The following TPP2 variants were observed in gnomAD, a reference collection of about 807,000 sequenced individuals.
TPP2 encodes tripeptidyl peptidase 2.
TPP2 carries 34 observed loss-of-function variants against 155.9 expected under a neutral mutation model. That is an observed-to-expected ratio of 0.22 (90% confidence interval 0.17 to 0.29). TPP2 has a LOEUF of 0.29. Among genes scored for constraint, TPP2 ranks in the 10% least tolerant of loss-of-function variants. The pLI, the probability that TPP2 is intolerant of heterozygous loss-of-function variation, is 1.00. For synonymous variants in TPP2, 510 were observed against 529.4 expected (o/e 0.96, Z 0.50); for missense variants, 1,028 against 1,522.3 (o/e 0.68, Z 5.40).
At chr13:102,600,519 A>G (rs1566312078) in intron 1 of TPP2, among the ~76,000 whole-genome samples, 3 of 152,144 alleles carry the variant, frequency 2.0e-5, no homozygotes, top group Middle Eastern at 3.4e-3. Flanking sequence ...TGTTATAGCA[A>G]TTTGCTTAGA....
chr13:102,657,095 ACAAAGACTAAGAATGGCAG>A lies in TPP2; in HGVS notation c.3038_3056del (p.Thr1013IlefsTer12). The A allele has an allele frequency of 6.3e-7, 1 of 1,589,868 alleles. No individual in the cohort carries two copies. The highest frequency in any genetic ancestry group is 8.5e-7 in the Non-Finnish European group (1 of 1,172,300). On this transcript the variant is annotated frameshift_variant, in exon 25 of 30. Transcript: ENST00000376052. LOFTEE classifies it high-confidence loss of function. ...TCATTACTACTTAATACCTCCACCA[ACAAAGACTAAGAATGGCAG>A]CAAAGATAAGGAAAAAGATTCAGAA...
chr13:102,653,720 C>G (rs1883664537), intron 24 of TPP2, among the ~76,000 whole-genome samples: 1 of 152,116 alleles, frequency 6.6e-6, no homozygotes, highest in South Asian at 2.1e-4. Flanking sequence ...TTTAACAGAT[C>G]ATAAATAGCA....
chr13:102,670,873 T>A (rs1018898040), intron 27 of TPP2, among the ~76,000 whole-genome samples: 1 of 152,244 alleles, frequency 6.6e-6, no homozygotes, highest in Admixed American at 6.5e-5. Flanking sequence ...AATTGTACTT[T>A]TTCAGGTGCT....
In TPP2 at chr13:102,679,144, A is replaced by T. The variant is rs1201830066; in HGVS notation, c.*828A>T. ...CTGGTACCTTAATTTTTTTTTATAA[A>T]TAATAAAAGTGAATATTGAAGCTTC... is the stretch of plus-strand genomic sequence containing the variant. On this transcript the variant is annotated 3_prime_UTR_variant, in exon 30 of 30. Coordinates refer to ENST00000376052, the MANE Select transcript of TPP2 (RefSeq NM_001330588.2). The T allele has an allele frequency of 6.6e-6, 1 of 152,618 alleles. No homozygotes were observed. 9.5% of individuals were successfully genotyped at this position (152,618 alleles called of 1,614,324 possible).
Position 102,649,443 on chromosome 13 carries a change from C to T in TPP2, c.2909C>T (p.Ala970Val). Residue 970 changes from alanine (A) to valine (V), a missense_variant, in exon 23 of 30, where the codon GCA becomes GTA. Transcript: ENST00000376052. ...PKGAGPGCYL[A>V]GSLTLSKTEL... is the part of the protein sequence containing the mutation. ...GGGGCAGGACCTGGATGCTATCTTG[C>T]AGGATCCTTAACATTGTCAAAGACT... The T allele has an allele frequency of 6.2e-7, 1 of 1,612,996 alleles. No individual in the cohort carries two copies. Among genetic ancestry groups the T allele is most frequent in the Non-Finnish European group, 8.5e-7 (1 of 1,179,520 alleles).
chr13:102,674,371 C>G lies in TPP2; in HGVS notation c.3460C>G (p.Gln1154Glu), dbSNP rs751687425. Reference protein sequence around the residue: ...LADHLLHTQAQDGAISTDAEG... With the variant: ...LADHLLHTQAEDGAISTDAEG... ...AGACCATCTTCTTCACACCCAGGCT[C>G]AAGACGGAGCCATTTCCACTGATGC... The change falls in exon 28 of 30, where the codon CAA (glutamine) becomes GAA (glutamate). Residue 1154 changes from glutamine to glutamate, a missense_variant. Gln to Glu is a conservative substitution (Grantham distance 29, BLOSUM62 2). This residue lies in a region of TPP2 where 116 missense variants were observed against 117.3 expected (regional missense o/e 0.99). Transcript: ENST00000376052. The G allele has an allele frequency of 1.2e-6, 2 of 1,613,914 alleles. No individual in the cohort carries two copies. The highest frequency in any genetic ancestry group is 2.2e-5 in the South Asian group (2 of 91,060).
At chr13:102,667,955 C>T (rs1011690919) in intron 27 of TPP2, 1 of 268,738 alleles carries the variant, frequency 3.7e-6, no homozygotes, top group Non-Finnish European at 5.7e-6. Context: ...TCCCCCTGAG[C>T]CAGCGACGCT....
At chr13:102,663,335 A>G (rs1884379435) in intron 25 of TPP2, among the ~76,000 whole-genome samples, 2 of 152,080 alleles carry the variant, frequency 1.3e-5, no homozygotes, top group South Asian at 4.2e-4. Context: ...TTTAGTAGAG[A>G]CGGGGTTTCA....
chr13:102,644,611 G>T lies in TPP2; in HGVS notation c.2230G>T (p.Val744Phe). Residue 744 changes from valine to phenylalanine, a missense_variant, in exon 18 of 30, where the codon GTC (valine) becomes TTC (phenylalanine). By Grantham distance (50) the Val-to-Phe change is conservative (BLOSUM62 -1). This residue lies in a region of TPP2 where 325 missense variants were observed against 463.7 expected (regional missense o/e 0.70). Transcript: ENST00000376052. ...IARWWASLSD[V>F]NIDYTISFHG... ...TCGTTGGTGGGCAAGTCTCAGTGAT[G>T]TCAACATTGATTATACCATTTCTTT... 1 of 1,613,230 alleles carries T rather than the reference G, an allele frequency of 6.2e-7. No homozygotes were observed.
In TPP2 at chr13:102,630,788, T is replaced by C. The variant is rs933525165; in HGVS notation, c.1244+593T>C. On this transcript the variant is annotated intron_variant, in intron 10 of 29. Transcript: ENST00000376052. ...TCCTAATTTATGTAATTCTTCGTTA[T>C]ATCATCAGCGGGTACATGCACCTTC... Among the ~76,000 whole-genome samples, 17 of 152,254 alleles carry C rather than the reference T, an allele frequency of 1.1e-4. 1 individual carries two copies. The highest frequency in any genetic ancestry group is 9.2e-4 in the Admixed American group (14 of 15,286).
In TPP2 at chr13:102,637,148, G is replaced by A. The variant is rs761915890; in HGVS notation, c.1745G>A (p.Cys582Tyr). The A allele has an allele frequency of 6.2e-7, 1 of 1,613,110 alleles. No individual in the cohort carries two copies. Among genetic ancestry groups the A allele is most frequent in the Non-Finnish European group, 8.5e-7 (1 of 1,179,840 alleles). The part of the protein sequence containing the change: ...ALTSNSSWVQ[C>Y]PSHLELMNQC... ...ACTTCAAATTCATCTTGGGTTCAGT[G>A]TCCCAGCCATTTGGAACTCATGAAT... The change falls in exon 14 of 30, where the codon TGT becomes TAT. Residue 582 changes from cysteine (C) to tyrosine (Y), a missense_variant. Physicochemically the swap from Cys to Tyr is radical, Grantham distance 194. Coordinates refer to ENST00000376052, the MANE Select transcript of TPP2 (RefSeq NM_001330588.2).
intron 6 of TPP2, among the ~76,000 whole-genome samples, chr13:102,624,699 A>G (rs768368647): frequency 3.3e-5 from 5 of 152,114 alleles, no homozygotes; most frequent in Non-Finnish European, 5.9e-5. Context: ...ATAGTTCTTT[A>G]TATAGCTACA....
chr13:102,599,998 A>C (rs969955302), intron 1 of TPP2, among the ~76,000 whole-genome samples: 2 of 152,216 alleles, frequency 1.3e-5, no homozygotes, highest in South Asian at 2.1e-4. Context: ...AAAAAAAAAA[A>C]AAACCTTGTA....
At chr13:102,640,494 G>T in intron 16 of TPP2, 118 bp downstream of exon 16, 3 of 763,094 alleles carry the variant, frequency 3.9e-6, no homozygotes, top group South Asian at 2.0e-5. Context: ...TATGTATTTG[G>T]GTACCTTAGA....
chr13:102,614,088 T>C lies in TPP2; in HGVS notation c.295-13T>C, dbSNP rs1415483254. On this transcript the variant is annotated splice_polypyrimidine_tract_variant and intron_variant, in intron 2 of 29. Coordinates refer to ENST00000376052, the MANE Select transcript of TPP2 (RefSeq NM_001330588.2). ...TTTAGTGAATGAACAGGTTACTCTT[T>C]TTTTTTCTGTAGATTCCTGCAAGCT... 1.9e-6 allele frequency: 3 copies of C among 1,610,942 alleles called. No individual in the cohort carries two copies. Among genetic ancestry groups the C allele is most frequent in the Non-Finnish European group, 2.5e-6 (3 of 1,178,676 alleles).
At chr13:102,635,960 G>A (rs537585676) in intron 12 of TPP2, among the ~76,000 whole-genome samples, 45 of 152,252 alleles carry the variant, frequency 3.0e-4, no homozygotes, top group African/African-American at 1.1e-3. Flanking sequence ...TCAAAAACTG[G>A]CCAATCATAA....
At chr13:102,636,084 G>T in intron 12 of TPP2, 140 bp from the exon 13 acceptor site, 1 of 723,316 alleles carries the variant, frequency 1.4e-6, no homozygotes, top group Non-Finnish European at 2.2e-6. Context: ...CCTCTTAGTT[G>T]GGGTACTAGG....
intron 25 of TPP2, among the ~76,000 whole-genome samples, chr13:102,660,612 T>C (rs1884147082): frequency 6.6e-6 from 1 of 152,214 alleles, no homozygotes. Flanking sequence ...GATCCTTTTA[T>C]AGAAATTAAC....
intron 2 of TPP2, among the ~76,000 whole-genome samples, chr13:102,607,043 C>T (rs751124899): frequency 6.6e-6 from 1 of 152,188 alleles, no homozygotes; most frequent in Non-Finnish European, 1.5e-5. Flanking sequence ...AGAGCAAGCT[C>T]TTTCTAGGGC....
Sources: allele counts gnomAD v4.1 joint callset (sites outside exome capture counted in the v4.1 genomes callset), GRCh38; gene constraint gnomAD v4.1.1; regional missense constraint gnomAD v4.1.1; transcripts MANE v1.5; gene names NCBI Gene and HGNC (gene_info 2026-07-23, HGNC 2026-07-21).